The following ASTN2 variants were observed in gnomAD, a reference collection of about 807,000 sequenced individuals.
ASTN2 encodes astrotactin 2.
ASTN2 carries 54 observed loss-of-function variants against 139.8 expected under a neutral mutation model. The observed-to-expected ratio is 0.39, with a 90% CI of 0.31 to 0.48. The LOEUF (loss-of-function observed/expected upper bound fraction) is 0.48, where lower values mean the gene tolerates loss of function less well. Ranked by LOEUF, ASTN2 falls within the 20% of genes least tolerant of loss-of-function variation. The probability of loss-of-function intolerance (pLI) is 0.95; values close to 1 mark genes in which losing one functional copy is unlikely to be tolerated. For synonymous variants in ASTN2, 756 were observed against 719.5 expected (o/e 1.05, Z -0.81); for missense variants, 1,565 against 1,725.1 (o/e 0.91, Z 1.64).
intron 4 of ASTN2, among the ~76,000 whole-genome samples, chr9:117,118,688 T>C (rs1018832320): frequency 2.6e-5 from 4 of 152,214 alleles, no homozygotes; most frequent in African/African-American, 7.2e-5. Flanking sequence ...ATCCTAATTA[T>C]GTAACCCCAG....
chr9:116,828,945 A>G (rs1467638457), intron 11 of ASTN2, among the ~76,000 whole-genome samples: 1 of 152,208 alleles, frequency 6.6e-6, no homozygotes, highest in Non-Finnish European at 1.5e-5. Context: ...CTAGGAATAT[A>G]TTTAACAAGG....
At chr9:117,346,571 T>C (rs1294867831) in intron 1 of ASTN2, among the ~76,000 whole-genome samples, 2 of 152,164 alleles carry the variant, frequency 1.3e-5, no homozygotes, top group East Asian at 3.9e-4. Context: ...TGAAAATTGA[T>C]ACCAAATCAA....
At chr9:117,246,008 T>G (rs917670139) in intron 2 of ASTN2, among the ~76,000 whole-genome samples, 35 of 152,190 alleles carry the variant, frequency 2.3e-4, no homozygotes, top group African/African-American at 8.0e-4. Flanking sequence ...AAAGACCACG[T>G]CTACTTGCTT....
chr9:116,502,682 A>G (rs896131474), intron 19 of ASTN2, among the ~76,000 whole-genome samples: 1 of 96,448 alleles, frequency 1.0e-5, no homozygotes, highest in Non-Finnish European at 2.1e-5. Flanking sequence ...AAGAAAGGAA[A>G]GAAGGAAGGA....
chr9:116,756,770 AACAC>A (rs111716372), intron 13 of ASTN2, among the ~76,000 whole-genome samples: 23 of 148,016 alleles, frequency 1.6e-4, no homozygotes, highest in African/African-American at 3.7e-4. Context: ...CTCCGAATAA[AACAC>A]ACACACACAC....
chr9:117,007,117 G>A (rs1010607589), intron 7 of ASTN2, among the ~76,000 whole-genome samples: 1 of 151,978 alleles, frequency 6.6e-6, no homozygotes, highest in African/African-American at 2.4e-5. Flanking sequence ...CACGTCCCTC[G>A]GATATTGACA....
At chr9:116,956,143 T>A (rs898184558) in intron 10 of ASTN2, among the ~76,000 whole-genome samples, 2 of 144,940 alleles carry the variant, frequency 1.4e-5, no homozygotes, top group Non-Finnish European at 3.0e-5. Flanking sequence ...TTGCCCAGGC[T>A]GGAGTGCAAT....
rs1240272137 is a variant in ASTN2, at chr9:116,618,440, C to T, written c.3239G>A (p.Ser1080Asn). Residue 1080 changes from serine to asparagine, a missense_variant, in exon 19 of 23, where the codon AGT becomes AAT. This residue lies in a region of ASTN2 where 418 missense variants were observed against 465.8 expected (regional missense o/e 0.90). Coordinates refer to ENST00000313400, the MANE Select transcript of ASTN2 (RefSeq NM_001365068.1). ...CACCCACTCCAAGGAGACCACAGTA[C>T]TGGAGGGCTCCACTGTTGGGGACAG... ...LRLSPTVEPS[S>N]TVVSLEWVDV... 5.6e-6 allele frequency: 9 copies of T among 1,613,862 alleles called. No individual in the cohort carries two copies. In the South Asian group the frequency reaches 6.6e-5, roughly 12 times the overall value.
Position 117,291,522 on chromosome 9 carries a change from C to A in ASTN2, c.443-9G>T, listed in dbSNP as rs1834593287. 2 of 1,587,376 alleles carry A rather than the reference C, an allele frequency of 1.3e-6. No individual in the cohort carries two copies. The highest frequency in any genetic ancestry group is 1.3e-5 in the African/African-American group (1 of 74,728). On this transcript the variant is annotated splice_polypyrimidine_tract_variant and intron_variant, in intron 1 of 22. Transcript: ENST00000313400. Reference sequence around the variant, plus strand: ...TGCTGTGCCAGACATCTCTGCAAGACAAGACCCGAGGCACTGGGTGAGCCG... The same window carrying A: ...TGCTGTGCCAGACATCTCTGCAAGAAAAGACCCGAGGCACTGGGTGAGCCG...
intron 20 of ASTN2, among the ~76,000 whole-genome samples, chr9:116,464,581 G>A (rs112426396): frequency 6.6e-6 from 1 of 152,146 alleles, no homozygotes; most frequent in African/African-American, 2.4e-5. Flanking sequence ...TGTTTGTGCT[G>A]AAGCATATCC....
chr9:116,921,806 T>A (rs1834619239), intron 10 of ASTN2, among the ~76,000 whole-genome samples: 1 of 152,106 alleles, frequency 6.6e-6, no homozygotes, highest in Non-Finnish European at 1.5e-5. Context: ...GAGAACTCAC[T>A]CACCATTATG....
At chr9:116,520,252 C>T (rs993553362) in intron 19 of ASTN2, among the ~76,000 whole-genome samples, 4 of 151,980 alleles carry the variant, frequency 2.6e-5, no homozygotes, top group Non-Finnish European at 5.9e-5. Context: ...AAATTCTCAA[C>T]AGAGTACTAG....
rs373425121 is a variant in ASTN2 at position 116,431,593 on chromosome 9, GAGA to G, written c.3783-5508_3783-5506del. 2.0e-4 allele frequency among the ~76,000 whole-genome samples: 30 copies of G among 152,298 alleles called. No individual in the cohort carries two copies. In the East Asian group the frequency reaches 5.6e-3, roughly 28 times the overall value. On this transcript the variant is annotated intron_variant, in intron 22 of 22. Transcript: ENST00000313400. ...GCAGGAATGGAGAGTGCCCATGGAA[GAGA>G]AGATTTAGGCCATTAGTTACATTGT...
chr9:116,906,861 G>C (rs1465548820), intron 10 of ASTN2, among the ~76,000 whole-genome samples: 5 of 152,236 alleles, frequency 3.3e-5, no homozygotes, highest in East Asian at 1.9e-4. Flanking sequence ...CTTGAAGTTA[G>C]AGTTTTATAT....
At chr9:116,622,645 T>C (rs1476813495) in intron 17 of ASTN2, among the ~76,000 whole-genome samples, 1 of 152,232 alleles carries the variant, frequency 6.6e-6, no homozygotes, top group African/African-American at 2.4e-5. Context: ...GTCTTTTCTG[T>C]TCAACAATTC....
chr9:117,071,740 A>G (rs575405063), intron 5 of ASTN2, among the ~76,000 whole-genome samples: 71 of 150,678 alleles, frequency 4.7e-4, no homozygotes, highest in African/African-American at 1.7e-3. Flanking sequence ...CCGGTCTGAA[A>G]AGCGCAATAC....
intron 20 of ASTN2, among the ~76,000 whole-genome samples, chr9:116,470,880 T>C (rs1031326689): frequency 7.9e-5 from 12 of 152,214 alleles, no homozygotes; most frequent in African/African-American, 2.9e-4. Flanking sequence ...GGTACTCTCC[T>C]TGGCCTGCCA....
rs550186595 is a variant in ASTN2 at position 116,839,547 on chromosome 9, T to C, written c.2041-18764A>G. Among the ~76,000 whole-genome samples, 94 of 152,210 alleles carry C rather than the reference T, an allele frequency of 6.2e-4. 1 individual carries two copies. The highest frequency in any genetic ancestry group is 1.7e-3 in the Admixed American group (26 of 15,298). On this transcript the variant is annotated intron_variant, in intron 11 of 22. Coordinates refer to ENST00000313400, the MANE Select transcript of ASTN2 (RefSeq NM_001365068.1). Reference sequence around the variant, plus strand: ...CAGGATGGAGTGCAGTGGCACGATCTTGGCTCACTGCAACCTCTGCCTCCC... The same window carrying C: ...CAGGATGGAGTGCAGTGGCACGATCCTGGCTCACTGCAACCTCTGCCTCCC...
At chr9:116,861,572 A>G (rs1203709141) in intron 11 of ASTN2, among the ~76,000 whole-genome samples, 6 of 152,170 alleles carry the variant, frequency 3.9e-5, no homozygotes. Context: ...TAGCATCTAC[A>G]ACTCCTGTTG....
Sources: allele counts gnomAD v4.1 joint callset (sites outside exome capture counted in the v4.1 genomes callset), GRCh38; gene constraint gnomAD v4.1.1; regional missense constraint gnomAD v4.1.1; transcripts MANE v1.5; gene names NCBI Gene and HGNC (gene_info 2026-07-23, HGNC 2026-07-21).